Variants in SYT6 observed in about 807,000 individuals in gnomAD.
SYT6 encodes the protein synaptotagmin 6, also known as synaptotagmin-6.
SYT6 carries 24 observed loss-of-function variants against 38.4 expected under a neutral mutation model. The ratio of observed to expected loss-of-function variants is 0.62; its 90% CI spans 0.45 to 0.88. SYT6 has a LOEUF of 0.88. SYT6 is among the 40% of genes least tolerant of loss of function. The pLI is 0.00. For missense variants in SYT6, 611 were observed against 621.0 expected (o/e 0.98, Z 0.17); for synonymous variants, 265 against 241.9 (o/e 1.10, Z -0.89).
At chr1:114,097,262 G>C (rs1675691291) in intron 6 of SYT6, among the ~76,000 whole-genome samples, 1 of 152,200 alleles carries the variant, frequency 6.6e-6, no homozygotes, top group East Asian at 1.9e-4. Context: ...ATTCATAAGA[G>C]GAGGAATCTG....
At position 114,137,771 on chromosome 1, in the gene SYT6, A is replaced by T; in HGVS notation, c.795T>A (p.Ser265=). ...DLPAKDFCGS[S]DPYVKIYLLP... ...GGAGGTAGATCTTGACATAAGGGTC[A>T]GAGCTTCCACAAAAGTCCTTGGCAG... The change falls in exon 3 of 8, where the codon TCT becomes TCA. Residue 265 remains serine (S), a synonymous_variant. Transcript: ENST00000610222. 1 of 1,614,162 alleles carries T rather than the reference A, an allele frequency of 6.2e-7. No homozygotes were observed. The highest frequency in any genetic ancestry group is 1.1e-5 in the South Asian group (1 of 91,064).
At chr1:114,125,615 G>A (rs1362797502) in intron 3 of SYT6, among the ~76,000 whole-genome samples, 20 of 152,090 alleles carry the variant, frequency 1.3e-4, no homozygotes, top group Admixed American at 1.3e-3. Flanking sequence ...GGGGGAGGAT[G>A]GCTGCTGTAG....
intron 1 of SYT6, among the ~76,000 whole-genome samples, chr1:114,144,609 T>C (rs1054212743): frequency 1.3e-5 from 2 of 152,314 alleles, no homozygotes; most frequent in Non-Finnish European, 2.9e-5. Context: ...GAAAGAATGA[T>C]GTATGAGAAG....
chr1:114,141,029 CTCCT>C (rs1473194740), intron 1 of SYT6, among the ~76,000 whole-genome samples: 1 of 152,202 alleles, frequency 6.6e-6, no homozygotes, highest in Non-Finnish European at 1.5e-5. Flanking sequence ...GGCCATTCCT[CTCCT>C]TAGGCCTCTC....
intron 1 of SYT6, among the ~76,000 whole-genome samples, chr1:114,148,058 G>A (rs1414342747): frequency 1.3e-5 from 2 of 152,152 alleles, no homozygotes; most frequent in South Asian, 2.1e-4. Context: ...ATCAGGATAG[G>A]ATCTGCTTGT....
At chr1:114,097,606 G>A (rs1675709006) in intron 6 of SYT6, 121 bp downstream of exon 6, 2 of 1,218,604 alleles carry the variant, frequency 1.6e-6, no homozygotes, top group Non-Finnish European at 2.3e-6. Flanking sequence ...TGGGTAAGAA[G>A]CATGTGGCCC....
At chr1:114,132,564 A>G (rs995047394) in intron 3 of SYT6, among the ~76,000 whole-genome samples, 11 of 152,250 alleles carry the variant, frequency 7.2e-5, no homozygotes, top group Non-Finnish European at 1.5e-4. Flanking sequence ...AGGAAAATGC[A>G]GCCCAGAGAT....
chr1:114,116,365 G>A (rs1332553547), intron 3 of SYT6, among the ~76,000 whole-genome samples: 2 of 152,132 alleles, frequency 1.3e-5, no homozygotes, highest in African/African-American at 2.4e-5. Flanking sequence ...GAAGAACCCC[G>A]GGCCCTCTCT....
At chr1:114,099,349 C>A (rs1457302971) in intron 4 of SYT6, 84 bp from the exon 5 acceptor site, 39 of 1,417,084 alleles carry the variant, frequency 2.8e-5, no homozygotes, top group Admixed American at 4.3e-5. Flanking sequence ...GGGACCGAAG[C>A]CCTAGACCTA....
chr1:114,105,756 G>A (rs1333282220), intron 3 of SYT6, among the ~76,000 whole-genome samples: 3 of 152,110 alleles, frequency 2.0e-5, no homozygotes, highest in African/African-American at 7.2e-5. Context: ...GCTTGGACTC[G>A]TGACTCTCGA....
intron 3 of SYT6, among the ~76,000 whole-genome samples, chr1:114,114,937 C>T (rs1052569451): frequency 1.3e-5 from 2 of 152,184 alleles, no homozygotes; most frequent in African/African-American, 2.4e-5. Flanking sequence ...CACTTACTTC[C>T]CTTTGCCTTT....
intron 7 of SYT6, among the ~76,000 whole-genome samples, chr1:114,093,485 C>G (rs1675440424): frequency 6.6e-6 from 1 of 152,206 alleles, no homozygotes; most frequent in Admixed American, 6.5e-5. Flanking sequence ...CATGTCAGCA[C>G]TGGAGGCAGG....
At chr1:114,133,202 C>A (rs557361523) in intron 3 of SYT6, among the ~76,000 whole-genome samples, 1 of 152,042 alleles carries the variant, frequency 6.6e-6, no homozygotes, top group Non-Finnish European at 1.5e-5. Context: ...CACACACACA[C>A]GCATACTCTA....
intron 1 of SYT6, among the ~76,000 whole-genome samples, chr1:114,143,217 C>A (rs1449300604): frequency 6.8e-6 from 1 of 147,296 alleles, no homozygotes; most frequent in Non-Finnish European, 1.5e-5. Context: ...TTATTTAATT[C>A]TATTGTGCTA....
At chr1:114,136,197 A>C (rs187243788) in intron 3 of SYT6, among the ~76,000 whole-genome samples, 67 of 152,264 alleles carry the variant, frequency 4.4e-4, no homozygotes, top group African/African-American at 1.6e-3. Context: ...TCTCTCTTTG[A>C]ACAAAACAAG....
chr1:114,095,508 T>C (rs1377580784), intron 6 of SYT6, among the ~76,000 whole-genome samples: 2 of 152,174 alleles, frequency 1.3e-5, no homozygotes, highest in African/African-American at 2.4e-5. Flanking sequence ...TTATTGCGGA[T>C]TGAAGATTAG....
At chr1:114,146,559 T>C (rs1394533841) in intron 1 of SYT6, among the ~76,000 whole-genome samples, 1 of 152,212 alleles carries the variant, frequency 6.6e-6, no homozygotes, top group Non-Finnish European at 1.5e-5. Context: ...TCTGCCAGTT[T>C]CTGAGTCCTG....
intron 3 of SYT6, among the ~76,000 whole-genome samples, chr1:114,117,898 G>A (rs1435512842): frequency 1.3e-5 from 2 of 152,218 alleles, no homozygotes; most frequent in Admixed American, 1.3e-4. Flanking sequence ...GGTGAACCGT[G>A]AAGCCCAATG....
chr1:114,093,754 T>G lies in SYT6; in HGVS notation c.*32A>C. On this transcript the variant is annotated 3_prime_UTR_variant, in exon 7 of 8. Transcript: ENST00000610222. ...ACTTACTCCTAACTCCAGGTGGCAG[T>G]CTCTCTGCTTGCAGCATCCACGTGA... The G allele has an allele frequency of 3.7e-6, 6 of 1,613,980 alleles. No homozygotes were observed. The highest frequency in any genetic ancestry group is 4.2e-6 in the Non-Finnish European group (5 of 1,179,974).
Sources: allele counts gnomAD v4.1 joint callset (sites outside exome capture counted in the v4.1 genomes callset), GRCh38; gene constraint gnomAD v4.1.1; transcripts MANE v1.5; gene names NCBI Gene and HGNC (gene_info 2026-07-23, HGNC 2026-07-21).